Variants in TAMM41 observed in about 807,000 individuals in gnomAD.
TAMM41 encodes the protein phosphatidate cytidylyltransferase, mitochondrial.
Under a neutral mutation model 44.1 loss-of-function variants are expected in TAMM41, and 36 were observed. That is an observed-to-expected ratio of 0.82 (90% CI 0.63 to 1.08). The LOEUF (loss-of-function observed/expected upper bound fraction) is 1.08. TAMM41 is among the 50% of genes least tolerant of loss of function. The probability of loss-of-function intolerance (pLI) is 0.00; values close to 1 mark genes in which losing one functional copy is unlikely to be tolerated. For synonymous variants in TAMM41, 164 were observed against 153.1 expected, an observed-to-expected ratio of 1.07 and a Z score of -0.53; for missense variants, 417 against 404.3, an observed-to-expected ratio of 1.03 and a Z score of -0.27.
the TAMM41 span, among the ~76,000 whole-genome samples, chr3:11,738,878 T>G: frequency 3.3e-5 from 5 of 152,210 alleles, no homozygotes; most frequent in African/African-American, 1.2e-4. Context: ...TTGACCCTGA[T>G]GCAGGCTGAA....
At chr3:11,783,439 T>C in the TAMM41 span, among the ~76,000 whole-genome samples, 1 of 151,690 alleles carries the variant, frequency 6.6e-6, no homozygotes, top group African/African-American at 2.4e-5. Flanking sequence ...ATCACCTGGC[T>C]AATAAAGGGA....
At chr3:11,758,676 T>C in the TAMM41 span, among the ~76,000 whole-genome samples, 3 of 151,158 alleles carry the variant, frequency 2.0e-5, no homozygotes, top group African/African-American at 7.3e-5. Context: ...TAGTTTTTAA[T>C]TCTGTTTTTG....
intron 5 of TAMM41, among the ~76,000 whole-genome samples, chr3:11,813,786 C>CA (rs1414623156): frequency 2.1e-5 from 3 of 144,806 alleles, no homozygotes; most frequent in South Asian, 2.2e-4. Context: ...CCTGTCTCTA[C>CA]AAAAAAAAAT....
chr3:11,841,120 T>C (rs1209288947), intron 2 of TAMM41, among the ~76,000 whole-genome samples: 1 of 137,430 alleles, frequency 7.3e-6, no homozygotes, highest in Non-Finnish European at 1.5e-5. Context: ...TCTTACTCTG[T>C]TGCCCATGCT....
At chr3:11,782,030 AGGTGTCTT>A in the TAMM41 span, among the ~76,000 whole-genome samples, 1,939 of 152,312 alleles carry the variant, frequency 0.013, 19 homozygotes, top group Non-Finnish European at 0.019. Context: ...CAATGACACC[AGGTGTCTT>A]TAGCTGCATG....
chr3:11,781,728 C>G, the TAMM41 span, among the ~76,000 whole-genome samples: 13 of 140,008 alleles, frequency 9.3e-5, no homozygotes. Flanking sequence ...AAGTGGGACT[C>G]CATCTCAAAA....
At chr3:11,772,660 T>G in the TAMM41 span, among the ~76,000 whole-genome samples, 1 of 152,158 alleles carries the variant, frequency 6.6e-6, no homozygotes, top group Non-Finnish European at 1.5e-5. Flanking sequence ...AGTGCATGCA[T>G]CTTTTCCCTT....
chr3:11,725,265 C>A, the TAMM41 span, among the ~76,000 whole-genome samples: 1 of 146,100 alleles, frequency 6.8e-6, no homozygotes, highest in Admixed American at 6.9e-5. Context: ...TTCTCCTTTT[C>A]TTCCTCCCTC....
rs1559292691 is a variant in TAMM41 at position 11,817,333 on chromosome 3, G to A, written c.567C>T (p.Asp189=). Residue 189 remains aspartate, a synonymous_variant, in exon 5 of 8, where the codon GAC becomes GAT. Coordinates refer to ENST00000455809, the MANE Select transcript of TAMM41 (RefSeq NM_001284401.2). ...IEIAGLSYSG[D]FRMVVGEDKT... ...TATCTTCTCCAACCACCATCCGAAA[G>A]TCACCTAGTTAAAACAAAGAGATAA... is the stretch of plus-strand genomic sequence containing the variant. The A allele has an allele frequency of 1.2e-6, 2 of 1,607,140 alleles. No homozygotes were observed. The highest frequency in any genetic ancestry group is 1.7e-6 in the Non-Finnish European group (2 of 1,174,448).
At chr3:11,799,244 C>T (rs143866890) in intron 7 of TAMM41, among the ~76,000 whole-genome samples, 2 of 150,536 alleles carry the variant, frequency 1.3e-5, no homozygotes, top group South Asian at 4.3e-4. Flanking sequence ...TGAGCTAGAA[C>T]CTGTCTCCAA....
At chr3:11,823,103 T>C (rs916257708) in intron 4 of TAMM41, among the ~76,000 whole-genome samples, 16 of 152,226 alleles carry the variant, frequency 1.1e-4, no homozygotes, top group African/African-American at 3.6e-4. Context: ...GTGATTTGTA[T>C]TGATGTTTCC....
chr3:11,744,521 C>T, the TAMM41 span, among the ~76,000 whole-genome samples: 2 of 151,686 alleles, frequency 1.3e-5, no homozygotes, highest in Non-Finnish European at 2.9e-5. Context: ...ATGGTGAAAC[C>T]CCATTTCTAC....
the TAMM41 span, among the ~76,000 whole-genome samples, chr3:11,767,289 G>A: frequency 1.3e-5 from 2 of 152,018 alleles, no homozygotes; most frequent in African/African-American, 4.8e-5. Context: ...GGCTGGTCTC[G>A]AACTCCTGAC....
the TAMM41 span, among the ~76,000 whole-genome samples, chr3:11,749,337 G>A: frequency 2.6e-5 from 4 of 152,272 alleles, no homozygotes; most frequent in South Asian, 8.3e-4. Flanking sequence ...GGTGTCTCTA[G>A]AGTCCATAAT....
chr3:11,844,811 T>C (rs2079603167), intron 1 of TAMM41: 1 of 417,540 alleles, frequency 2.4e-6, no homozygotes, highest in Non-Finnish European at 4.8e-6. Context: ...AGGGTAGAAG[T>C]ATAGAGCTCA....
chr3:11,809,906 T>C (rs2078036158), intron 5 of TAMM41: 3 of 406,476 alleles, frequency 7.4e-6, no homozygotes, highest in African/African-American at 4.1e-5. Context: ...AATATTCCAT[T>C]TCTACCTGAG....
the TAMM41 span, among the ~76,000 whole-genome samples, chr3:11,753,349 A>G: frequency 6.6e-6 from 1 of 151,348 alleles, no homozygotes; most frequent in Admixed American, 6.6e-5. Flanking sequence ...TGGGAAGATC[A>G]TTTGAGCCTG....
chr3:11,818,671 C>A (rs559997494), intron 4 of TAMM41, among the ~76,000 whole-genome samples: 3 of 152,082 alleles, frequency 2.0e-5, no homozygotes, highest in Non-Finnish European at 4.4e-5. Context: ...CCGAGGCAGG[C>A]GGATCACGAG....
chr3:11,742,656 A>T, the TAMM41 span, among the ~76,000 whole-genome samples: 2 of 147,242 alleles, frequency 1.4e-5, no homozygotes, highest in South Asian at 4.2e-4. Flanking sequence ...GCATGATCAT[A>T]GTTCACTGCA....
Sources: allele counts gnomAD v4.1 joint callset (sites outside exome capture counted in the v4.1 genomes callset), GRCh38; gene constraint gnomAD v4.1.1; transcripts MANE v1.5; gene names NCBI Gene and HGNC (gene_info 2026-07-23, HGNC 2026-07-21).